COX7A2: variants seen among roughly 807,000 people sequenced by gnomAD.
The protein encoded by COX7A2 is cytochrome c oxidase subunit 7A2, mitochondrial.
Under a neutral mutation model 11.6 loss-of-function variants are expected in COX7A2, and 11 were observed. The ratio of observed to expected loss-of-function variants is 0.95; its 90% CI spans 0.60 to 1.57. COX7A2 has a LOEUF of 1.57. COX7A2 is among the 40% of genes most tolerant of loss of function. COX7A2 has a pLI of 0.00. For synonymous variants in COX7A2, 30 were observed against 38.2 expected (o/e 0.78, Z 0.79); for missense variants, 106 against 100.9 (o/e 1.05, Z -0.22).
intron 2 of COX7A2, chr6:75,240,619 T>C (rs1490577202): frequency 2.4e-6 from 1 of 417,506 alleles, no homozygotes; most frequent in East Asian, 4.2e-5. Context: ...TAATTTGAGA[T>C]CCATTAATGA....
Position 75,243,727 on chromosome 6 carries a change from C to G in COX7A2, c.8G>C (p.Arg3Pro), listed in dbSNP as rs781527752. ...TGAGAAGCTCCTCACCAGCAGATTC[C>G]GCAGCATCTTGGCTGTTACTGACCA... MLRNLLALRQIGQ... is the reference protein window; with the variant it reads MLPNLLALRQIGQ... Residue 3 changes from arginine to proline, a missense_variant, in exon 1 of 4, where the codon CGG becomes CCG. Transcript: ENST00000684430. The G allele has an allele frequency of 1.2e-6, 2 of 1,613,674 alleles. No individual in the cohort carries two copies. The highest frequency in any genetic ancestry group is 1.7e-6 in the Non-Finnish European group (2 of 1,179,780).
upstream of COX7A2, among the ~76,000 whole-genome samples, chr6:75,248,072 A>C (rs1771718318): frequency 6.9e-6 from 1 of 145,284 alleles, no homozygotes; most frequent in Non-Finnish European, 1.5e-5. Flanking sequence ...TAGTCTCCAC[A>C]TCCTTTATCT....
Position 75,237,929 on chromosome 6 carries a change from G to C in COX7A2, c.*1C>G. On this transcript the variant is annotated 3_prime_UTR_variant, in exon 4 of 4. Coordinates refer to ENST00000684430, the MANE Select transcript of COX7A2 (RefSeq NM_001366293.2). Reference sequence around the variant, plus strand: ...CCAAGCGATTGCTGGGATGACTGAAGTCACTCCTGCTTCTTGGGAAATGAA... The same window carrying C: ...CCAAGCGATTGCTGGGATGACTGAACTCACTCCTGCTTCTTGGGAAATGAA... 1 of 1,606,758 alleles carries C rather than the reference G, an allele frequency of 6.2e-7. No homozygotes were observed. Among genetic ancestry groups the C allele is most frequent in the South Asian group, 1.1e-5 (1 of 90,356 alleles).
downstream of COX7A2, chr6:75,237,768 G>T (rs964322439): frequency 2.2e-6 from 1 of 459,886 alleles, no homozygotes. Flanking sequence ...TTGGCATAAA[G>T]TGATAAAATC....
upstream of COX7A2, among the ~76,000 whole-genome samples, chr6:75,244,360 CAAG>C (rs1299989882): frequency 1.3e-5 from 2 of 152,152 alleles, no homozygotes; most frequent in Non-Finnish European, 2.9e-5. Context: ...ACTCCCCAAG[CAAG>C]AAGTTCTTCC....
intron 1 of COX7A2, 78 bp downstream of exon 1, chr6:75,243,639 G>C (rs1371682588): frequency 7.1e-7 from 1 of 1,408,348 alleles, no homozygotes; most frequent in Non-Finnish European, 1.0e-6. Flanking sequence ...TCCCAGGTGA[G>C]GGTTTTCTGT....
chr6:75,241,264 G>A lies in COX7A2; in HGVS notation c.20C>T (p.Ala7Val). The change falls in exon 2 of 4, where the codon GCT (alanine) becomes GTT (valine). Residue 7 changes from alanine to valine, a missense_variant and splice_region_variant. Transcript: ENST00000684430. MLRNLL[A>V]LRQIGQRTIS... ...CGTCCTCTGCCCAATCTGACGAAGAGCCTAAAATGAAAATATTATTAAATA... is the reference window on the plus strand; with the variant it reads ...CGTCCTCTGCCCAATCTGACGAAGAACCTAAAATGAAAATATTATTAAATA... 6.6e-7 allele frequency: 1 copy of A among 1,517,632 alleles called. No individual in the cohort carries two copies. The highest frequency in any genetic ancestry group is 9.0e-7 in the Non-Finnish European group (1 of 1,117,252). The allele number at this position is 1,517,632 out of a possible 1,614,324, so 94.0% of individuals were successfully genotyped here.
intron 1 of COX7A2, among the ~76,000 whole-genome samples, chr6:75,242,469 G>A (rs1771536503): frequency 6.6e-6 from 1 of 151,872 alleles, no homozygotes; most frequent in Non-Finnish European, 1.5e-5. Flanking sequence ...TTGCACCACT[G>A]CACTCCAGCC....
At chr6:75,246,124 G>A (rs369604202), upstream of COX7A2, among the ~76,000 whole-genome samples, 7 of 152,160 alleles carry the variant, frequency 4.6e-5, no homozygotes, top group East Asian at 7.7e-4. Context: ...AGAAAGAATT[G>A]TTTTAGGAAA....
At chr6:75,243,910 G>T, upstream of COX7A2, 1 of 1,290,204 alleles carries the variant, frequency 7.8e-7, no homozygotes, top group Non-Finnish European at 1.1e-6. Flanking sequence ...TAGAGCGGCA[G>T]TACGGCTCTA....
upstream of COX7A2, chr6:75,244,015 A>G (rs138092231): frequency 5.9e-4 from 317 of 539,062 alleles, 2 homozygotes; most frequent in East Asian, 8.7e-3. Context: ...GGCTGGGGAA[A>G]AAGCAAACGA....
upstream of COX7A2, among the ~76,000 whole-genome samples, chr6:75,245,652 G>C (rs1442462016): frequency 6.6e-6 from 1 of 151,924 alleles, no homozygotes; most frequent in Admixed American, 6.6e-5. Context: ...TTTGATTACC[G>C]TTACCATCCT....
At chr6:75,248,029 G>T (rs1027266966), upstream of COX7A2, among the ~76,000 whole-genome samples, 4 of 151,622 alleles carry the variant, frequency 2.6e-5, no homozygotes, top group Admixed American at 2.6e-4. Context: ...TCTCTCTGCA[G>T]TCCGCTGAGA....
At chr6:75,241,373 A>G in intron 1 of COX7A2, 108 bp from the exon 2 acceptor site, 1 of 995,736 alleles carries the variant, frequency 1.0e-6, no homozygotes, top group East Asian at 2.6e-5. Context: ...CTTGAAGCAT[A>G]TCTGATTTGT....
chr6:75,246,515 C>T (rs1771685042), upstream of COX7A2, among the ~76,000 whole-genome samples: 1 of 152,190 alleles, frequency 6.6e-6, no homozygotes, highest in African/African-American at 2.4e-5. Flanking sequence ...CTTCCACTAT[C>T]TTCCACACAG....
intron 1 of COX7A2, among the ~76,000 whole-genome samples, chr6:75,248,811 G>A (rs1002399741): frequency 5.9e-5 from 9 of 152,160 alleles, no homozygotes; most frequent in Non-Finnish European, 1.0e-4. Flanking sequence ...TTGTTTTAAA[G>A]TCTCTGACCT....
At chr6:75,239,973 C>T (rs1032041223) in intron 3 of COX7A2, among the ~76,000 whole-genome samples, 3 of 151,952 alleles carry the variant, frequency 2.0e-5, no homozygotes, top group Admixed American at 1.3e-4. Flanking sequence ...TGGTGGTGCA[C>T]GCCTGTAATC....
rs769728830 is a variant in COX7A2 at position 75,243,788 on chromosome 6, G to A, written c.-54C>T. On this transcript the variant is annotated 5_prime_UTR_variant, in exon 1 of 4. Transcript: ENST00000684430. ...CAACTGAACACCACCAACGAAAATG[G>A]CCACGCCGGAACCGGAACTACCTCC... 7.4e-5 allele frequency: 119 copies of A among 1,613,900 alleles called. No individual in the cohort carries two copies. Among genetic ancestry groups the A allele is most frequent in the Non-Finnish European group, 9.2e-5 (108 of 1,179,954 alleles).
upstream of COX7A2, among the ~76,000 whole-genome samples, chr6:75,245,363 C>T (rs1397201214): frequency 6.6e-6 from 1 of 151,956 alleles, no homozygotes; most frequent in African/African-American, 2.4e-5. Flanking sequence ...TGGTGGCGGG[C>T]GCCTGTAGTC....
Sources: allele counts gnomAD v4.1 joint callset (sites outside exome capture counted in the v4.1 genomes callset), GRCh38; gene constraint gnomAD v4.1.1; transcripts MANE v1.5; gene names NCBI Gene and HGNC (gene_info 2026-07-23, HGNC 2026-07-21).